The following KCNMA1 variants were observed in gnomAD, a reference collection of about 807,000 sequenced individuals.
KCNMA1 encodes Calcium-activated potassium channel subunit alpha-1.
A neutral mutation model predicts 140.0 loss-of-function variants in KCNMA1; 29 were observed. The observed-to-expected ratio is 0.21, with a 90% CI of 0.15 to 0.28. The LOEUF is 0.28. KCNMA1 is among the 10% of genes least tolerant of loss of function. The probability of loss-of-function intolerance (pLI) is 1.00; values close to 1 mark genes in which losing one functional copy is unlikely to be tolerated. For synonymous variants in KCNMA1, 612 were observed against 611.9 expected, an observed-to-expected ratio of 1.00 and a Z score of 0.00; for missense variants, 880 against 1,602.2, an observed-to-expected ratio of 0.55 and a Z score of 7.70.
intron 5 of KCNMA1, among the ~76,000 whole-genome samples, chr10:77,132,448 T>C (rs1006736772): frequency 1.3e-5 from 2 of 151,822 alleles, no homozygotes; most frequent in African/African-American, 4.8e-5. Flanking sequence ...TAAAATAACA[T>C]TAAAGTGTCC....
At chr10:77,243,777 G>A (rs960103582) in intron 3 of KCNMA1, among the ~76,000 whole-genome samples, 12 of 152,184 alleles carry the variant, frequency 7.9e-5, no homozygotes, top group Admixed American at 2.0e-4. Context: ...CCCTTCCACA[G>A]TGGAGCTGAA....
At chr10:77,434,088 C>A (rs148257656) in intron 1 of KCNMA1, among the ~76,000 whole-genome samples, 1 of 152,218 alleles carries the variant, frequency 6.6e-6, no homozygotes, top group Non-Finnish European at 1.5e-5. Flanking sequence ...TTATCTTCAA[C>A]GTCACCACCT....
At chr10:77,106,289 G>A (rs1042912503) in intron 9 of KCNMA1, among the ~76,000 whole-genome samples, 12 of 151,984 alleles carry the variant, frequency 7.9e-5, no homozygotes, top group Non-Finnish European at 1.6e-4. Flanking sequence ...GAGAGAGAGA[G>A]AAAACCAGGC....
chr10:77,452,242 T>C (rs1486059735), intron 1 of KCNMA1, among the ~76,000 whole-genome samples: 2 of 152,170 alleles, frequency 1.3e-5, no homozygotes, highest in Admixed American at 6.5e-5. Context: ...TCATGTCCCA[T>C]ACCTCATGTC....
chr10:76,935,585 A>T (rs1258641611), intron 23 of KCNMA1, among the ~76,000 whole-genome samples: 2 of 152,180 alleles, frequency 1.3e-5, no homozygotes, highest in Non-Finnish European at 2.9e-5. Flanking sequence ...AAGATATTAC[A>T]TAGGAATGTG....
intron 1 of KCNMA1, among the ~76,000 whole-genome samples, chr10:77,517,782 G>T (rs1226973355): frequency 6.6e-6 from 1 of 152,124 alleles, no homozygotes; most frequent in Non-Finnish European, 1.5e-5. Flanking sequence ...CTATTTCCCA[G>T]GCACATTCCT....
intron 2 of KCNMA1, among the ~76,000 whole-genome samples, chr10:77,280,981 C>A (rs1171571420): frequency 2.0e-5 from 3 of 152,138 alleles, no homozygotes; most frequent in Admixed American, 1.3e-4. Flanking sequence ...CAGAAATGCT[C>A]AACCTCAAAG....
intron 5 of KCNMA1, among the ~76,000 whole-genome samples, chr10:77,129,424 T>G (rs1461997608): frequency 6.6e-6 from 1 of 152,208 alleles, no homozygotes; most frequent in African/African-American, 2.4e-5. Context: ...ATGCTTTATT[T>G]TTTCTCCAAA....
intron 5 of KCNMA1, among the ~76,000 whole-genome samples, chr10:77,154,058 A>G (rs909223541): frequency 1.3e-5 from 2 of 152,144 alleles, no homozygotes; most frequent in African/African-American, 4.8e-5. Context: ...AGGTAATTGG[A>G]TCACGGGGGC....
In KCNMA1 at chr10:77,027,384, G is replaced by T. The variant is rs537335694; in HGVS notation, c.1928+439C>A. Among the ~76,000 whole-genome samples the T allele has an allele frequency of 2.6e-5, 4 of 152,292 alleles. No homozygotes were observed. The South Asian group carries it at 8.3e-4, about 32-fold the overall frequency. ...GAGAAGCACATATGGTACACAATAGGCTGCTTGTAATTTGGCTATCAAGAG... is the reference window on the plus strand; with the variant it reads ...GAGAAGCACATATGGTACACAATAGTCTGCTTGTAATTTGGCTATCAAGAG... On this transcript the variant is annotated intron_variant, in intron 16 of 27. Coordinates refer to ENST00000286628, the MANE Select transcript of KCNMA1 (RefSeq NM_001161352.2).
chr10:77,109,806 G>GGGT, intron 8 of KCNMA1, among the ~76,000 whole-genome samples: 1 of 152,270 alleles, frequency 6.6e-6, no homozygotes, highest in East Asian at 1.9e-4. Context: ...ACAAAGTATC[G>GGGT]ACAGCTTCTA....
At chr10:77,073,006 C>T (rs531531877) in intron 14 of KCNMA1, 91 bp downstream of exon 14, 21 of 1,263,292 alleles carry the variant, frequency 1.7e-5, no homozygotes, top group Non-Finnish European at 2.0e-5. Flanking sequence ...TAGAGCCCGT[C>T]GATCTGTTTT....
At chr10:77,287,484 G>A (rs1379830595) in intron 2 of KCNMA1, among the ~76,000 whole-genome samples, 1 of 152,174 alleles carries the variant, frequency 6.6e-6, no homozygotes, top group Non-Finnish European at 1.5e-5. Flanking sequence ...AGTGATGAAA[G>A]AAGCCAATTT....
At chr10:77,398,346 C>A (rs2096139024) in intron 2 of KCNMA1, among the ~76,000 whole-genome samples, 1 of 152,170 alleles carries the variant, frequency 6.6e-6, no homozygotes. Context: ...TTCTCCACAT[C>A]CTCACCAACA....
intron 1 of KCNMA1, among the ~76,000 whole-genome samples, chr10:77,582,791 C>T (rs1458367830): frequency 3.3e-5 from 5 of 152,208 alleles, no homozygotes; most frequent in South Asian, 2.1e-4. Context: ...CCTTGGCAGA[C>T]GCTCAGGTGT....
At chr10:77,573,411 G>A (rs1396897652) in intron 1 of KCNMA1, among the ~76,000 whole-genome samples, 3 of 152,114 alleles carry the variant, frequency 2.0e-5, no homozygotes, top group African/African-American at 7.2e-5. Flanking sequence ...GGGGCAGGCT[G>A]GGCAGGGGTG....
In KCNMA1 at chr10:77,529,733, A is replaced by G. The variant is rs146998556; in HGVS notation, c.378+107532T>C. On this transcript the variant is annotated intron_variant, in intron 1 of 27. Coordinates refer to ENST00000286628, the MANE Select transcript of KCNMA1 (RefSeq NM_001161352.2). ...CCCTGATCCCAGAACCTCTCCAGGG[A>G]AAAGAATGAGGACACCCCAAGCAGA... Among the ~76,000 whole-genome samples, 11 of 152,210 alleles carry G rather than the reference A, an allele frequency of 7.2e-5. No homozygotes were observed. The East Asian group carries it at 2.1e-3, about 29-fold the overall frequency.
intron 23 of KCNMA1, among the ~76,000 whole-genome samples, chr10:76,923,259 T>C (rs1371800072): frequency 1.3e-5 from 2 of 152,046 alleles, no homozygotes; most frequent in East Asian, 1.9e-4. Flanking sequence ...TTACAGGACT[T>C]GTCTCTCCAA....
At chr10:77,301,480 G>A (rs1368881532) in intron 2 of KCNMA1, among the ~76,000 whole-genome samples, 1 of 152,028 alleles carries the variant, frequency 6.6e-6, no homozygotes, top group Non-Finnish European at 1.5e-5. Context: ...CTGTTTCTAG[G>A]TAAACTTGAT....
Sources: allele counts gnomAD v4.1 joint callset (sites outside exome capture counted in the v4.1 genomes callset), GRCh38; gene constraint gnomAD v4.1.1; transcripts MANE v1.5; gene names NCBI Gene and HGNC (gene_info 2026-07-23, HGNC 2026-07-21).